LRRC4C: variants seen among roughly 807,000 people sequenced by gnomAD.
LRRC4C encodes leucine rich repeat containing 4C.
In LRRC4C, 5 loss-of-function variants were observed where a neutral mutation model predicts 33.6. The ratio of observed to expected loss-of-function variants is 0.15; its 90% confidence interval spans 0.08 to 0.31. The LOEUF (loss-of-function observed/expected upper bound fraction) is 0.31. Among genes scored for constraint, LRRC4C ranks in the 10% least tolerant of loss-of-function variants. The pLI, the probability that LRRC4C is intolerant of heterozygous loss-of-function variation, is 1.00. For synonymous variants in LRRC4C, 329 were observed against 302.0 expected, an observed-to-expected ratio of 1.09 and a Z score of -0.93; for missense variants, 560 against 796.7, an observed-to-expected ratio of 0.70 and a Z score of 3.58.
At chr11:41,378,154 A>T (rs973227729) in intron 1 of LRRC4C, among the ~76,000 whole-genome samples, 1 of 152,152 alleles carries the variant, frequency 6.6e-6, no homozygotes, top group Non-Finnish European at 1.5e-5. Flanking sequence ...AAGCAATAAA[A>T]AAAAAGCAGT....
intron 1 of LRRC4C, among the ~76,000 whole-genome samples, chr11:41,394,106 C>T (rs535959838): frequency 4.4e-4 from 67 of 152,086 alleles, no homozygotes; most frequent in African/African-American, 1.5e-3. Context: ...CTATCCTTCA[C>T]TTTTTATGCA....
At chr11:40,886,868 C>A (rs945751948) in intron 2 of LRRC4C, among the ~76,000 whole-genome samples, 6 of 150,042 alleles carry the variant, frequency 4.0e-5, no homozygotes, top group Non-Finnish European at 8.9e-5. Flanking sequence ...AATACACAAG[C>A]AAATATGTTT....
At chr11:41,219,669 T>C (rs916703731) in intron 1 of LRRC4C, among the ~76,000 whole-genome samples, 3 of 152,222 alleles carry the variant, frequency 2.0e-5, no homozygotes, top group Non-Finnish European at 2.9e-5. Context: ...AACAATAGAT[T>C]AGAAATTTTA....
chr11:41,111,840 T>G (rs1941848619), intron 1 of LRRC4C, among the ~76,000 whole-genome samples: 3 of 152,034 alleles, frequency 2.0e-5, no homozygotes, highest in Admixed American at 2.0e-4. Flanking sequence ...TTGTCCATCA[T>G]GATTAACCTT....
At chr11:40,364,907 A>G (rs1948139148) in intron 3 of LRRC4C, among the ~76,000 whole-genome samples, 1 of 151,798 alleles carries the variant, frequency 6.6e-6, no homozygotes, top group African/African-American at 2.4e-5. Context: ...CACTGATTAA[A>G]AAATACATGT....
intron 1 of LRRC4C, among the ~76,000 whole-genome samples, chr11:41,030,011 G>T (rs1565316525): frequency 6.6e-6 from 1 of 151,804 alleles, no homozygotes; most frequent in Non-Finnish European, 1.5e-5. Context: ...GCTTGATACT[G>T]CAGGGTGAAC....
chr11:41,364,992 C>T (rs150072745), intron 1 of LRRC4C, among the ~76,000 whole-genome samples: 39 of 151,958 alleles, frequency 2.6e-4, no homozygotes, highest in Admixed American at 9.8e-4. Context: ...TGTGTGTGCA[C>T]GTGATATTTG....
chr11:41,167,127 A>G (rs1944764913), intron 1 of LRRC4C, among the ~76,000 whole-genome samples: 1 of 152,216 alleles, frequency 6.6e-6, no homozygotes. Context: ...TATACAGATG[A>G]TATAGATTTA....
chr11:40,402,562 A>G (rs574799446), intron 3 of LRRC4C, among the ~76,000 whole-genome samples: 1 of 152,206 alleles, frequency 6.6e-6, no homozygotes, highest in African/African-American at 2.4e-5. Flanking sequence ...ATATGAATTC[A>G]CTTGGGCAAA....
chr11:41,318,675 T>A (rs562732271), intron 1 of LRRC4C, among the ~76,000 whole-genome samples: 4 of 152,338 alleles, frequency 2.6e-5, no homozygotes, highest in Admixed American at 2.6e-4. Context: ...ACTTTCTCCC[T>A]TTGGCTTTTT....
At chr11:40,741,216 G>C (rs1319335666) in intron 2 of LRRC4C, among the ~76,000 whole-genome samples, 2 of 152,062 alleles carry the variant, frequency 1.3e-5, no homozygotes, top group Non-Finnish European at 2.9e-5. Context: ...TTGGGGAAGA[G>C]AGATGAGTCA....
chr11:40,331,198 G>T (rs1355032297), intron 3 of LRRC4C, among the ~76,000 whole-genome samples: 1 of 152,172 alleles, frequency 6.6e-6, no homozygotes, highest in East Asian at 1.9e-4. Flanking sequence ...AATTAGTACA[G>T]CCATTATGGA....
intron 3 of LRRC4C, among the ~76,000 whole-genome samples, chr11:40,460,198 A>C (rs1952327051): frequency 6.6e-6 from 1 of 152,020 alleles, no homozygotes; most frequent in Admixed American, 6.6e-5. Context: ...CCTTTATATT[A>C]TATTATTTGA....
At chr11:40,473,219 C>A (rs1320001804) in intron 3 of LRRC4C, among the ~76,000 whole-genome samples, 1 of 152,140 alleles carries the variant, frequency 6.6e-6, no homozygotes, top group Non-Finnish European at 1.5e-5. Flanking sequence ...TACTGGCAAA[C>A]CAAATGCAGC....
chr11:40,972,650 G>A (rs118067031), intron 1 of LRRC4C, among the ~76,000 whole-genome samples: 4,251 of 152,212 alleles, frequency 0.028, 86 homozygotes, highest in Middle Eastern at 0.058. Flanking sequence ...TTCACAAGGC[G>A]GTGGTAGAGA....
chr11:40,201,512 T>C (rs1232605466), intron 5 of LRRC4C, among the ~76,000 whole-genome samples: 1 of 152,158 alleles, frequency 6.6e-6, no homozygotes, highest in Non-Finnish European at 1.5e-5. Context: ...AGAAAGAGGC[T>C]TTCTTGTTTT....
rs144360883 is a variant in LRRC4C, at chr11:40,406,261, C to T, written c.-269-86540G>A. On this transcript the variant is annotated intron_variant, in intron 3 of 6. Coordinates refer to ENST00000528697, the MANE Select transcript of LRRC4C (RefSeq NM_001258419.2). Reference sequence around the variant, plus strand: ...ACTAAATGCTACTCAGTCTTAGAGGCCTAAGTTTAATTAATATTTCTTCTA... The same window carrying T: ...ACTAAATGCTACTCAGTCTTAGAGGTCTAAGTTTAATTAATATTTCTTCTA... 8.5e-5 allele frequency among the ~76,000 whole-genome samples: 13 copies of T among 152,198 alleles called. No individual in the cohort carries two copies. In the East Asian group the frequency reaches 2.1e-3, roughly 25 times the overall value.
chr11:40,765,677 A>T (rs917203484), intron 2 of LRRC4C, among the ~76,000 whole-genome samples: 17 of 152,106 alleles, frequency 1.1e-4, no homozygotes, highest in South Asian at 2.1e-4. Context: ...GAAAAATGCA[A>T]TGTATATACT....
chr11:41,239,687 T>C (rs1353056837), intron 1 of LRRC4C, among the ~76,000 whole-genome samples: 1 of 152,184 alleles, frequency 6.6e-6, no homozygotes, highest in Non-Finnish European at 1.5e-5. Context: ...TTTAATTTAC[T>C]GAATTTGTAC....
Sources: gnomAD v4.1 joint callset for allele counts (sites outside exome capture counted in the v4.1 genomes callset) on GRCh38, gnomAD v4.1.1 for gene constraint, MANE v1.5 for transcripts, NCBI Gene and HGNC (gene_info 2026-07-23, HGNC 2026-07-21) for gene names.